The following ZNF76 variants were observed in gnomAD, a reference collection of about 807,000 sequenced individuals.
ZNF76 encodes the protein zinc finger protein 76, also known as zinc finger protein 523.
Under a neutral mutation model 66.9 loss-of-function variants are expected in ZNF76, and 66 were observed. The ratio of observed to expected loss-of-function variants is 0.99; its 90% CI spans 0.81 to 1.21. The LOEUF is 1.21. Ranked by LOEUF, ZNF76 falls within the 50% of genes most tolerant of loss-of-function variation. The pLI is 0.00. For missense variants in ZNF76, 729 were observed against 760.3 expected, an observed-to-expected ratio of 0.96 and a Z score of 0.48; for synonymous variants, 275 against 296.1, an observed-to-expected ratio of 0.93 and a Z score of 0.73.
At chr6:35,288,142 TTA>T (rs1269394392) in intron 5 of ZNF76, 132 of 595,836 alleles carry the variant, frequency 2.2e-4, no homozygotes, top group Non-Finnish European at 3.4e-4. Context: ...AGTGGCATCC[TTA>T]TGCTGAGGAG....
intron 12 of ZNF76, 159 bp downstream of exon 12, chr6:35,294,074 C>T: frequency 1.2e-6 from 1 of 838,044 alleles, no homozygotes; most frequent in Non-Finnish European, 1.8e-6. Flanking sequence ...ATGAGCAGCT[C>T]TTACCTTTAA....
chr6:35,290,354 G>T lies in ZNF76; in HGVS notation c.521G>T (p.Arg174Leu). 1 of 1,614,148 alleles carries T rather than the reference G, an allele frequency of 6.2e-7. No homozygotes were observed. The highest frequency in any genetic ancestry group is 8.5e-7 in the Non-Finnish European group (1 of 1,180,016). Residue 174 changes from arginine (R) to leucine (L), a missense_variant, in exon 6 of 14, where the codon CGT becomes CTT. By Grantham distance (102) the Arg-to-Leu change is moderately radical. Coordinates refer to ENST00000373953, the MANE Select transcript of ZNF76 (RefSeq NM_003427.5). ...AFRCGYKGCG[R>L]LYTTAHHLKV... is the part of the protein sequence containing the mutation. Reference sequence around the variant, plus strand: ...CGCTGTGGCTACAAGGGCTGTGGGCGTCTCTACACCACCGCTCATCACTTA... The same window carrying T: ...CGCTGTGGCTACAAGGGCTGTGGGCTTCTCTACACCACCGCTCATCACTTA...
intron 1 of ZNF76, among the ~76,000 whole-genome samples, chr6:35,274,178 TGAA>T (rs1787553585): frequency 6.6e-6 from 1 of 152,266 alleles, no homozygotes; most frequent in Admixed American, 6.5e-5. Flanking sequence ...TGTTTACAAA[TGAA>T]GAAGTTTCTA....
chr6:35,279,412 C>T (rs145754702), intron 1 of ZNF76: 22 of 147,442 alleles, frequency 1.5e-4, no homozygotes, highest in African/African-American at 5.1e-4. Flanking sequence ...AGCATAAATA[C>T]CTTCAATTTT....
At chr6:35,265,828 CA>C (rs1446265042) in intron 1 of ZNF76, among the ~76,000 whole-genome samples, 3 of 152,168 alleles carry the variant, frequency 2.0e-5, no homozygotes, top group Non-Finnish European at 2.9e-5. Flanking sequence ...GCAGATCACA[CA>C]GGCCACTGGC....
chr6:35,275,173 A>T (rs1787699639), intron 1 of ZNF76, among the ~76,000 whole-genome samples: 1 of 152,028 alleles, frequency 6.6e-6, no homozygotes, highest in African/African-American at 2.4e-5. Context: ...AAAGAAAAAA[A>T]ATTGCAGCAA....
intron 1 of ZNF76, among the ~76,000 whole-genome samples, chr6:35,262,596 T>C (rs1378405063): frequency 1.3e-5 from 2 of 152,214 alleles, no homozygotes; most frequent in Admixed American, 6.5e-5. Context: ...GTCTGTATGC[T>C]CTAAAACCAT....
At chr6:35,293,067 G>T (rs370555842) in intron 11 of ZNF76, 23 bp downstream of exon 11, 2 of 1,611,422 alleles carry the variant, frequency 1.2e-6, no homozygotes, top group African/African-American at 2.7e-5. Context: ...GAGGGCAGAG[G>T]TGCCATACTA....
intron 8 of ZNF76, 53 bp downstream of exon 8, chr6:35,291,456 G>T: frequency 1.2e-6 from 2 of 1,613,344 alleles, no homozygotes; most frequent in Non-Finnish European, 1.7e-6. Flanking sequence ...AAGGAATTCA[G>T]CTTGCCTTTC....
intron 1 of ZNF76, among the ~76,000 whole-genome samples, chr6:35,269,365 G>A (rs1461666697): frequency 1.3e-5 from 2 of 151,514 alleles, no homozygotes; most frequent in Non-Finnish European, 2.9e-5. Flanking sequence ...TGTGATGTTG[G>A]ACAGGTCATT....
intron 1 of ZNF76, 51 bp from the exon 2 acceptor site, chr6:35,281,005 C>T (rs762992645): frequency 3.1e-5 from 24 of 762,656 alleles, no homozygotes; most frequent in South Asian, 1.9e-4. Context: ...AGTGTCTTTG[C>T]GATAGGAGAA....
chr6:35,275,922 G>A lies in ZNF76; in HGVS notation c.-96-5134G>A, dbSNP rs1787828556. ...TTCAAGTGTTTTGAGTGCTGACGGT[G>A]TGCCAGTCACAGTGAATTAGCAGAA... On this transcript the variant is annotated intron_variant, in intron 1 of 13. Transcript: ENST00000373953. Among the ~76,000 whole-genome samples the A allele has an allele frequency of 2.6e-5, 4 of 152,208 alleles. No homozygotes were observed. The South Asian group carries it at 8.3e-4, about 32-fold the overall frequency.
At chr6:35,275,756 AGGAG>A (rs1323909131) in intron 1 of ZNF76, among the ~76,000 whole-genome samples, 1 of 152,240 alleles carries the variant, frequency 6.6e-6, no homozygotes, top group African/African-American at 2.4e-5. Context: ...GAACATGAAA[AGGAG>A]TGGAAATTTG....
chr6:35,291,247 A>T, intron 7 of ZNF76, 31 bp from the exon 8 acceptor site: 2 of 1,583,462 alleles, frequency 1.3e-6, no homozygotes, highest in Non-Finnish European at 1.7e-6. Context: ...CTGGGTGCTC[A>T]TCTCACCCCC....
intron 11 of ZNF76, 48 bp downstream of exon 11, chr6:35,293,092 C>G: frequency 6.3e-7 from 1 of 1,595,096 alleles, no homozygotes; most frequent in Non-Finnish European, 8.5e-7. Context: ...GCACTCTCCA[C>G]TCTCTCTGGG....
chr6:35,276,515 G>A (rs912909162), intron 1 of ZNF76, among the ~76,000 whole-genome samples: 6 of 152,192 alleles, frequency 3.9e-5, no homozygotes, highest in African/African-American at 1.4e-4. Context: ...CATTTTCTCA[G>A]AAGTGACATC....
Position 35,292,306 on chromosome 6 carries a change from C to A in ZNF76, c.932-248C>A, listed in dbSNP as rs957680449. 3.6e-6 allele frequency: 2 copies of A among 554,590 alleles called. No homozygotes were observed. Among genetic ancestry groups the A allele is most frequent in the Non-Finnish European group, 6.5e-6 (2 of 306,780 alleles). 34.4% of individuals were successfully genotyped at this position (554,590 alleles called of 1,614,324 possible). Reference sequence around the variant, plus strand: ...CCAGTGCCCCCTACCAGCCCCTTCACTAGCCCCAGCCTTGCCCTGTCCCCC... The same window carrying A: ...CCAGTGCCCCCTACCAGCCCCTTCAATAGCCCCAGCCTTGCCCTGTCCCCC... On this transcript the variant is annotated intron_variant, in intron 9 of 13. Transcript: ENST00000373953. This position sits in a 1 kb window ranked among gnomAD's most constrained non-coding sequence, Gnocchi z 4.7.
At position 35,287,806 on chromosome 6, in the gene ZNF76, T is replaced by A; in HGVS notation, c.393T>A (p.Ser131Arg). 6.2e-7 allele frequency: 1 copy of A among 1,610,860 alleles called. No individual in the cohort carries two copies. The highest frequency in any genetic ancestry group is 8.5e-7 in the Non-Finnish European group (1 of 1,178,534). The change falls in exon 5 of 14, where the codon AGT becomes AGA. Residue 131 changes from serine to arginine, a missense_variant. Ser to Arg is a moderately radical substitution (Grantham distance 110). Transcript: ENST00000373953. This position sits in a 1 kb window ranked among gnomAD's most constrained non-coding sequence, Gnocchi z 4.0. ...CAGCAGAGGATGATGAGGGCTTCAG[T>A]GCAGACGCAGTGGTGGCCCTGGAGC... ...DLAAEDDEGF[S>R]ADAVVALEQY...
intron 4 of ZNF76, 38 bp downstream of exon 4, chr6:35,286,437 AGGCAGGACTGGAGGATGGGGT>A (rs772040803): frequency 5.0e-6 from 8 of 1,591,672 alleles, no homozygotes; most frequent in South Asian, 3.3e-5. Flanking sequence ...GAAGGATGGG[AGGCAGGACTGGAGGATGGGGT>A]GGCAGGACTG....
Sources: gnomAD v4.1 joint callset for allele counts (sites outside exome capture counted in the v4.1 genomes callset) on GRCh38, gnomAD v4.1.1 for gene constraint, Gnocchi (gnomAD v3.1) non-coding constraint, MANE v1.5 for transcripts, NCBI Gene and HGNC (gene_info 2026-07-23, HGNC 2026-07-21) for gene names.